SNTG2: variants seen among roughly 807,000 people sequenced by gnomAD.
SNTG2 encodes the protein syntrophin gamma 2.
In SNTG2, 74 loss-of-function variants were observed where a neutral mutation model predicts 70.9. That is an observed-to-expected ratio of 1.04 (90% CI 0.86 to 1.27). The LOEUF (loss-of-function observed/expected upper bound fraction) is 1.27. Among genes scored for constraint, SNTG2 ranks in the 50% most tolerant of loss-of-function variants. The pLI is 0.00. For synonymous variants in SNTG2, 278 were observed against 273.8 expected (o/e 1.02, Z -0.15); for missense variants, 717 against 690.7 (o/e 1.04, Z -0.43).
At chr2:1,059,809 T>C (rs540835591) in intron 1 of SNTG2, among the ~76,000 whole-genome samples, 1 of 152,308 alleles carries the variant, frequency 6.6e-6, no homozygotes, top group South Asian at 2.1e-4. Flanking sequence ...CTGAGACATA[T>C]CTGAAAAAGT....
intron 1 of SNTG2, among the ~76,000 whole-genome samples, chr2:1,007,695 T>C (rs1659612252): frequency 6.6e-6 from 1 of 152,240 alleles, no homozygotes; most frequent in African/African-American, 2.4e-5. Context: ...TTCAGGTCTA[T>C]AGAAAAAGAT....
At chr2:1,300,460 A>G (rs994277115) in intron 14 of SNTG2, among the ~76,000 whole-genome samples, 3 of 152,184 alleles carry the variant, frequency 2.0e-5, no homozygotes, top group Non-Finnish European at 4.4e-5. Context: ...AGGGTGGGTC[A>G]GCATTTCCCC....
chr2:991,323 T>C (rs1041337737), intron 1 of SNTG2, among the ~76,000 whole-genome samples: 2 of 151,198 alleles, frequency 1.3e-5, no homozygotes, highest in Non-Finnish European at 2.9e-5. Flanking sequence ...AAATAGTCAG[T>C]ACATTAAATT....
chr2:1,138,266 A>T (rs781676261), intron 6 of SNTG2, among the ~76,000 whole-genome samples: 2 of 152,194 alleles, frequency 1.3e-5, no homozygotes, highest in Admixed American at 1.3e-4. Flanking sequence ...TGTGCCGTGG[A>T]GGACACCAGG....
rs186152880 is a variant in SNTG2, at chr2:1,134,034, G to A, written c.326-3588G>A. Among the ~76,000 whole-genome samples, 335 of 152,136 alleles carry A rather than the reference G, an allele frequency of 2.2e-3. 7 individuals carry two copies. Among genetic ancestry groups the A allele is most frequent in the Non-Finnish European group, 8.7e-4 (59 of 67,974 alleles). ...GTCTCGCTGGCTCAGGAGTGAAGCT[G>A]CAGACCTTTGTGGTGAGTGTTACAG... On this transcript the variant is annotated intron_variant, in intron 4 of 16. Coordinates refer to ENST00000308624, the MANE Select transcript of SNTG2 (RefSeq NM_018968.4).
intron 2 of SNTG2, among the ~76,000 whole-genome samples, chr2:1,084,938 C>T (rs1251409753): frequency 6.6e-6 from 1 of 152,182 alleles, no homozygotes; most frequent in East Asian, 1.9e-4. Flanking sequence ...ACAGCCCACA[C>T]CCCGGCACCA....
At chr2:1,321,306 G>A (rs1681509180) in intron 16 of SNTG2, among the ~76,000 whole-genome samples, 1 of 152,158 alleles carries the variant, frequency 6.6e-6, no homozygotes, top group Admixed American at 6.5e-5. Flanking sequence ...ACATTTTACT[G>A]AAGAATCATG....
chr2:969,064 T>A (rs114209145), intron 1 of SNTG2, among the ~76,000 whole-genome samples: 2 of 152,216 alleles, frequency 1.3e-5, no homozygotes, highest in Non-Finnish European at 2.9e-5. Context: ...AGGGGTCCAG[T>A]TTCAATCTTC....
chr2:1,361,766 G>A (rs1661167830), intron 16 of SNTG2, among the ~76,000 whole-genome samples: 1 of 151,952 alleles, frequency 6.6e-6, no homozygotes, highest in African/African-American at 2.4e-5. Context: ...CACCGATGCT[G>A]AGCATTTCAG....
At chr2:971,750 G>A (rs1274722199) in intron 1 of SNTG2, among the ~76,000 whole-genome samples, 1 of 150,340 alleles carries the variant, frequency 6.7e-6, no homozygotes, top group African/African-American at 2.4e-5. Flanking sequence ...TATGATGTTA[G>A]GTTGTTAATT....
chr2:1,314,016 A>C (rs1224651446), intron 15 of SNTG2, among the ~76,000 whole-genome samples: 3 of 152,340 alleles, frequency 2.0e-5, no homozygotes, highest in Admixed American at 6.5e-5. Flanking sequence ...GACCATTTTG[A>C]ATTCTTTAAA....
intron 6 of SNTG2, among the ~76,000 whole-genome samples, chr2:1,148,133 A>G (rs1474467317): frequency 2.0e-5 from 3 of 152,192 alleles, no homozygotes; most frequent in Admixed American, 6.5e-5. Context: ...GAGCTGGTAC[A>G]ATTTCAGGGG....
chr2:1,194,080 C>G (rs1480342544), intron 8 of SNTG2, among the ~76,000 whole-genome samples: 1 of 152,244 alleles, frequency 6.6e-6, no homozygotes, highest in Non-Finnish European at 1.5e-5. Context: ...AGCCTTTCCT[C>G]TACCACATTA....
chr2:1,220,875 CGTA>C (rs1260193522), intron 9 of SNTG2, among the ~76,000 whole-genome samples: 1 of 152,182 alleles, frequency 6.6e-6, no homozygotes, highest in African/African-American at 2.4e-5. Flanking sequence ...TCCACGGGCA[CGTA>C]GGTGAATCAG....
chr2:1,181,189 C>A (rs1435060766), intron 8 of SNTG2, among the ~76,000 whole-genome samples: 1 of 151,262 alleles, frequency 6.6e-6, no homozygotes, highest in Non-Finnish European at 1.5e-5. Flanking sequence ...GCACATTGTG[C>A]ACATGTACCC....
At chr2:1,150,300 A>G (rs1669394356) in intron 6 of SNTG2, among the ~76,000 whole-genome samples, 1 of 152,144 alleles carries the variant, frequency 6.6e-6, no homozygotes, top group African/African-American at 2.4e-5. Context: ...CAAGCATCTT[A>G]CTTTGTATCT....
intron 1 of SNTG2, among the ~76,000 whole-genome samples, chr2:977,335 T>A (rs1259787099): frequency 6.6e-6 from 1 of 152,210 alleles, no homozygotes; most frequent in Non-Finnish European, 1.5e-5. Context: ...TGGTAATGTC[T>A]GTGAAGGTGG....
At chr2:1,175,722 C>T (rs1001266058) in intron 8 of SNTG2, among the ~76,000 whole-genome samples, 13 of 152,200 alleles carry the variant, frequency 8.5e-5, no homozygotes, top group Non-Finnish European at 2.9e-5. Flanking sequence ...GAGAAACTGT[C>T]CTCCTACCCT....
chr2:1,207,518 G>A (rs903686628), intron 8 of SNTG2, among the ~76,000 whole-genome samples: 2 of 152,270 alleles, frequency 1.3e-5, no homozygotes, highest in East Asian at 1.9e-4. Flanking sequence ...TCCCACCTGC[G>A]TTGAGGGAGA....
Sources: gnomAD v4.1 joint callset for allele counts (sites outside exome capture counted in the v4.1 genomes callset) on GRCh38, gnomAD v4.1.1 for gene constraint, MANE v1.5 for transcripts, NCBI Gene and HGNC (gene_info 2026-07-23, HGNC 2026-07-21) for gene names.